DNAH9: variants seen among roughly 807,000 people sequenced by gnomAD.
DNAH9 encodes dynein axonemal heavy chain 9.
A neutral mutation model predicts 471.6 loss-of-function variants in DNAH9; 345 were observed. The ratio of observed to expected loss-of-function variants is 0.73; its 90% CI spans 0.67 to 0.80. The LOEUF is 0.80. Among genes scored for constraint, DNAH9 ranks in the 30% least tolerant of loss-of-function variants. The pLI, the probability that DNAH9 is intolerant of heterozygous loss-of-function variation, is 0.00. For synonymous variants in DNAH9, 2,093 were observed against 2,123.6 expected, an observed-to-expected ratio of 0.99 and a Z score of 0.40; for missense variants, 5,407 against 5,609.2, an observed-to-expected ratio of 0.96 and a Z score of 1.15.
chr17:11,866,578 G>C (rs1186499401), intron 50 of DNAH9, among the ~76,000 whole-genome samples: 1 of 152,218 alleles, frequency 6.6e-6, no homozygotes, highest in Non-Finnish European at 1.5e-5. Flanking sequence ...TAAGTCTGCA[G>C]AGGTTACTGC....
Position 11,902,731 on chromosome 17 carries a change from A to G in DNAH9, c.11419A>G (p.Met3807Val), listed in dbSNP as rs543511643. 4 of 1,607,208 alleles carry G rather than the reference A, an allele frequency of 2.5e-6. No individual in the cohort carries two copies. Among genetic ancestry groups the G allele is most frequent in the East Asian group, 2.2e-5 (1 of 44,830 alleles). The change falls in exon 60 of 69, where the codon ATG (methionine) becomes GTG (valine). Residue 3807 changes from methionine to valine, a missense_variant. Coordinates refer to ENST00000262442, the MANE Select transcript of DNAH9 (RefSeq NM_001372.4). ...TGAAATTTCCCAGGTACTTTCATCA[A>G]TGGAAGAATTCTCTAATCTGGATCG... is the stretch of plus-strand genomic sequence containing the variant. ...AWGAVKVLSSMEEFSNLDRDI... is the reference protein window; with the variant it reads ...AWGAVKVLSSVEEFSNLDRDI...
At chr17:11,881,804 C>T (rs541053772) in intron 55 of DNAH9, among the ~76,000 whole-genome samples, 3 of 151,948 alleles carry the variant, frequency 2.0e-5, no homozygotes, top group African/African-American at 4.8e-5. Flanking sequence ...CCTAGCTACT[C>T]GGGAAGCTGA....
intron 27 of DNAH9, among the ~76,000 whole-genome samples, chr17:11,721,608 GGGGAGAGAGA>G (rs924517450): frequency 2.6e-5 from 4 of 151,994 alleles, no homozygotes; most frequent in Admixed American, 6.6e-5. Flanking sequence ...CAGATCATAT[GGGGAGAGAGA>G]GGGAGAGAGA....
At chr17:11,693,562 A>G (rs1408406958) in intron 20 of DNAH9, among the ~76,000 whole-genome samples, 1 of 152,128 alleles carries the variant, frequency 6.6e-6, no homozygotes, top group Non-Finnish European at 1.5e-5. Flanking sequence ...CCCGGTCTAA[A>G]TGCATTAATG....
chr17:11,642,605 G>A (rs186947572), intron 10 of DNAH9, among the ~76,000 whole-genome samples: 1 of 152,334 alleles, frequency 6.6e-6, no homozygotes, highest in East Asian at 1.9e-4. Context: ...TATTGAAAAT[G>A]TTTTAGATTC....
chr17:11,695,925 T>A (rs1329571835), intron 22 of DNAH9, among the ~76,000 whole-genome samples: 42 of 152,228 alleles, frequency 2.8e-4, no homozygotes, highest in Non-Finnish European at 4.4e-5. Flanking sequence ...TTGCTTCTTT[T>A]TGCTTTCAGT....
chr17:11,807,902 G>A lies in DNAH9; in HGVS notation c.8583+8G>A, dbSNP rs746571790. 3 of 1,594,922 alleles carry A rather than the reference G, an allele frequency of 1.9e-6. No individual in the cohort carries two copies. The highest frequency in any genetic ancestry group is 2.6e-6 in the Non-Finnish European group (3 of 1,164,536). On this transcript the variant is annotated splice_region_variant and intron_variant, in intron 44 of 68. Coordinates refer to ENST00000262442, the MANE Select transcript of DNAH9 (RefSeq NM_001372.4). ...CAGATCCAGGACTTCAAGGTAAAAGGTCAGGCAGCTGCAGGGAGGAGGCTC... is the reference window on the plus strand; with the variant it reads ...CAGATCCAGGACTTCAAGGTAAAAGATCAGGCAGCTGCAGGGAGGAGGCTC...
intron 49 of DNAH9, among the ~76,000 whole-genome samples, chr17:11,851,029 T>C (rs1220324602): frequency 6.6e-6 from 1 of 152,148 alleles, no homozygotes; most frequent in Non-Finnish European, 1.5e-5. Flanking sequence ...GGATGGGAAA[T>C]GACTAAGAAG....
chr17:11,625,971 G>A (rs573648051), intron 6 of DNAH9, among the ~76,000 whole-genome samples: 1 of 152,322 alleles, frequency 6.6e-6, no homozygotes, highest in South Asian at 2.1e-4. Flanking sequence ...AGCAACTTAA[G>A]TGTTATTGTT....
intron 38 of DNAH9, among the ~76,000 whole-genome samples, chr17:11,778,253 G>A (rs907648939): frequency 7.1e-6 from 1 of 140,476 alleles, no homozygotes. Flanking sequence ...TTGAACCCAG[G>A]AGACGGAGGT....
rs1190799932 is a variant in DNAH9 at position 11,617,402 on chromosome 17, T to C, written c.905-9T>C. The C allele has an allele frequency of 3.1e-6, 5 of 1,608,224 alleles. No homozygotes were observed. Among genetic ancestry groups the C allele is most frequent in the Non-Finnish European group, 4.3e-6 (5 of 1,175,080 alleles). On this transcript the variant is annotated splice_polypyrimidine_tract_variant and intron_variant, in intron 4 of 68. Transcript: ENST00000262442. ...GATGGGAATGCTGACCATCTCCAAT[T>C]CCTTCCAGCTCTAGCAGAGGCACAG...
At chr17:11,612,990 A>G (rs1172021655) in intron 4 of DNAH9, among the ~76,000 whole-genome samples, 3 of 152,190 alleles carry the variant, frequency 2.0e-5, no homozygotes, top group East Asian at 1.9e-4. Context: ...CTCTCATGGC[A>G]TGGAGTTTGC....
At position 11,619,644 on chromosome 17, in the gene DNAH9, A is replaced by C; in HGVS notation, c.1213A>C (p.Lys405Gln). 1 of 1,614,114 alleles carries C rather than the reference A, an allele frequency of 6.2e-7. No individual in the cohort carries two copies. Among genetic ancestry groups the C allele is most frequent in the Non-Finnish European group, 8.5e-7 (1 of 1,179,914 alleles). Residue 405 changes from lysine to glutamine, a missense_variant, in exon 6 of 69, where the codon AAG (lysine) becomes CAG (glutamine). Physicochemically the swap from Lys to Gln is moderately conservative, Grantham distance 53 (BLOSUM62 1). Around this residue, in one of 3 missense-constraint regions of DNAH9, gnomAD observed 767 missense variants for 692.5 expected, o/e 1.11. Transcript: ENST00000262442. ...QVVSDTLSFF[K>Q]QEFQDRRENL... ...GGTCTCAGACACTTTGAGCTTCTTCAAGCAAGAGTTTCAGGACAGAAGGGA... is the reference window on the plus strand; with the variant it reads ...GGTCTCAGACACTTTGAGCTTCTTCCAGCAAGAGTTTCAGGACAGAAGGGA...
Position 11,936,356 on chromosome 17 carries a change from G to A in DNAH9, c.12490-996G>A, listed in dbSNP as rs570995393. The stretch of plus-strand genomic sequence containing the variant: ...GCGCTCAAAACATTCAGAGCCAGGC[G>A]CGGTGGCTCCCGCCTGTAATCCCAG... On this transcript the variant is annotated intron_variant, in intron 65 of 68. Transcript: ENST00000262442. 7.2e-4 allele frequency among the ~76,000 whole-genome samples: 109 copies of A among 152,292 alleles called. 1 individual carries two copies. The highest frequency in any genetic ancestry group is 2.6e-3 in the African/African-American group (106 of 41,548).
rs147999976 is a variant in DNAH9 at position 11,670,988 on chromosome 17, C to T, written c.3353+1194C>T. ...AAAGTGCTGGGATTACAGGTGTGAG[C>T]CACCGTGCCTGACTGGGGATGTTTT... On this transcript the variant is annotated intron_variant, in intron 17 of 68. Coordinates refer to ENST00000262442, the MANE Select transcript of DNAH9 (RefSeq NM_001372.4). 2.2e-3 allele frequency among the ~76,000 whole-genome samples: 337 copies of T among 152,114 alleles called. 3 individuals are homozygous for T. The highest frequency in any genetic ancestry group is 7.6e-3 in the African/African-American group (316 of 41,550).
chr17:11,613,909 C>G (rs944159204), intron 4 of DNAH9, among the ~76,000 whole-genome samples: 1 of 152,150 alleles, frequency 6.6e-6, no homozygotes, highest in African/African-American at 2.4e-5. Flanking sequence ...ATTAGTAGAT[C>G]AATAGACTAT....
intron 28 of DNAH9, among the ~76,000 whole-genome samples, chr17:11,734,950 A>G (rs1031061729): frequency 1.3e-5 from 2 of 152,156 alleles, no homozygotes; most frequent in African/African-American, 4.8e-5. Context: ...GTGGTTCTCA[A>G]ATTTCAGCGT....
rs1489021958 is a variant in DNAH9 at position 11,598,930 on chromosome 17, G to T, written c.417+15G>T. 1 of 1,477,822 alleles carries T rather than the reference G, an allele frequency of 6.8e-7. No homozygotes were observed. Among genetic ancestry groups the T allele is most frequent in the Non-Finnish European group, 8.9e-7 (1 of 1,117,796 alleles). 91.5% of individuals were successfully genotyped at this position (1,477,822 alleles called of 1,614,324 possible). On this transcript the variant is annotated intron_variant, in intron 1 of 68. Coordinates refer to ENST00000262442, the MANE Select transcript of DNAH9 (RefSeq NM_001372.4). Reference sequence around the variant, plus strand: ...TGTTCTCGGAGGTGAGGGTGGGTTAGTGTCCCCGCGCGGCTAAAGCTGGGT... The same window carrying T: ...TGTTCTCGGAGGTGAGGGTGGGTTATTGTCCCCGCGCGGCTAAAGCTGGGT...
chr17:11,862,719 C>T (rs372162363), intron 50 of DNAH9, among the ~76,000 whole-genome samples: 39 of 152,122 alleles, frequency 2.6e-4, no homozygotes, highest in African/African-American at 8.7e-4. Flanking sequence ...GTAGTTCTCC[C>T]TGAAGAGGTC....
Sources: gnomAD v4.1 joint callset for allele counts (sites outside exome capture counted in the v4.1 genomes callset) on GRCh38, gnomAD v4.1.1 for gene constraint, gnomAD v4.1.1 regional missense constraint, MANE v1.5 for transcripts, NCBI Gene and HGNC (gene_info 2026-07-23, HGNC 2026-07-21) for gene names.